FMN2: variants seen among roughly 807,000 people sequenced by gnomAD.
FMN2 encodes formin 2.
In FMN2, 51 loss-of-function variants were observed where a neutral mutation model predicts 142.3. The ratio of observed to expected loss-of-function variants is 0.36; its 90% CI spans 0.29 to 0.45. The LOEUF is 0.45. Ranked by LOEUF, FMN2 falls within the 20% of genes least tolerant of loss-of-function variation. The pLI is 1.00. For synonymous variants in FMN2, 882 were observed against 869.8 expected, an observed-to-expected ratio of 1.01 and a Z score of -0.25; for missense variants, 1,936 against 2,122.8, an observed-to-expected ratio of 0.91 and a Z score of 1.73.
At chr1:240,456,457 A>T (rs1467237370) in intron 16 of FMN2, among the ~76,000 whole-genome samples, 1 of 152,006 alleles carries the variant, frequency 6.6e-6, no homozygotes, top group South Asian at 2.1e-4. Flanking sequence ...AATTGTTTTT[A>T]TTTTTTATTT....
intron 2 of FMN2, among the ~76,000 whole-genome samples, chr1:240,136,900 G>A (rs1662965125): frequency 6.6e-6 from 1 of 151,980 alleles, no homozygotes; most frequent in East Asian, 1.9e-4. Context: ...GTGAAACCCT[G>A]TCTCTACTAC....
At chr1:240,239,209 T>G (rs1667809581) in intron 6 of FMN2, among the ~76,000 whole-genome samples, 1 of 152,146 alleles carries the variant, frequency 6.6e-6, no homozygotes, top group Admixed American at 6.5e-5. Context: ...TCTGGGACAA[T>G]AGAGTTGAAG....
chr1:240,179,503 G>A (rs1255322761), intron 3 of FMN2: 1 of 152,142 alleles, frequency 6.6e-6, no homozygotes, highest in Non-Finnish European at 1.5e-5. Flanking sequence ...TGAGAGAGAG[G>A]GTGTAGGAAG....
intron 14 of FMN2, among the ~76,000 whole-genome samples, chr1:240,376,101 G>T (rs549356189): frequency 6.6e-6 from 1 of 151,986 alleles, no homozygotes; most frequent in East Asian, 1.9e-4. Context: ...ACTATATCTT[G>T]TTCTGAGGTC....
rs180864182 is a variant in FMN2, at chr1:240,378,152, A to T, written c.4859-14359A>T. On this transcript the variant is annotated intron_variant, in intron 14 of 17. Coordinates refer to ENST00000319653, the MANE Select transcript of FMN2 (RefSeq NM_020066.5). Reference sequence around the variant, plus strand: ...TTTTTGTTTCTTTTTTTTATTTTTTATTATTATTATTTTTTTAGACAGGGT... The same window carrying T: ...TTTTTGTTTCTTTTTTTTATTTTTTTTTATTATTATTTTTTTAGACAGGGT... Among the ~76,000 whole-genome samples the T allele has an allele frequency of 5.6e-3, 832 of 148,530 alleles. 16 individuals are homozygous for T. The highest frequency in any genetic ancestry group is 0.02 in the African/African-American group (799 of 40,330).
chr1:240,184,380 G>A (rs1027855730), intron 3 of FMN2, among the ~76,000 whole-genome samples: 1 of 151,394 alleles, frequency 6.6e-6, no homozygotes, highest in Non-Finnish European at 1.5e-5. Flanking sequence ...GGGACTGCAG[G>A]TGCCCACCAC....
chr1:240,219,812 G>A (rs1667039372), intron 6 of FMN2, among the ~76,000 whole-genome samples: 1 of 151,848 alleles, frequency 6.6e-6, no homozygotes, highest in African/African-American at 2.4e-5. Context: ...GGGCCACCGA[G>A]CCTGGCTAAC....
At chr1:240,185,507 G>T (rs143554418) in intron 3 of FMN2, among the ~76,000 whole-genome samples, 2 of 152,290 alleles carry the variant, frequency 1.3e-5, no homozygotes, top group Non-Finnish European at 1.5e-5. Context: ...CATTGAATTA[G>T]ACAGAGAGGA....
chr1:240,286,968 T>A (rs569315639), intron 7 of FMN2, among the ~76,000 whole-genome samples: 2 of 152,304 alleles, frequency 1.3e-5, no homozygotes, highest in East Asian at 3.9e-4. Context: ...TTCACTATAC[T>A]GTCAGCTCTT....
chr1:240,389,183 A>G (rs923495653), intron 14 of FMN2, among the ~76,000 whole-genome samples: 1 of 152,172 alleles, frequency 6.6e-6, no homozygotes, highest in African/African-American at 2.4e-5. Context: ...GAAGTTTATT[A>G]ATAGTTGATT....
chr1:240,336,473 T>A (rs1671558729), intron 13 of FMN2, among the ~76,000 whole-genome samples: 1 of 148,532 alleles, frequency 6.7e-6, no homozygotes, highest in South Asian at 2.1e-4. Flanking sequence ...CCTGTTACAA[T>A]TTGATAGAAT....
chr1:240,252,716 A>T (rs1353246103), intron 6 of FMN2, among the ~76,000 whole-genome samples: 1 of 151,708 alleles, frequency 6.6e-6, no homozygotes, highest in Non-Finnish European at 1.5e-5. Context: ...CTCACTTTTG[A>T]CAGTTTGACT....
intron 7 of FMN2, among the ~76,000 whole-genome samples, chr1:240,292,864 C>G (rs1003803455): frequency 1.3e-5 from 2 of 152,072 alleles, no homozygotes; most frequent in African/African-American, 4.8e-5. Context: ...TTCTTTTTGG[C>G]TACAAAAGCA....
intron 14 of FMN2, among the ~76,000 whole-genome samples, chr1:240,362,569 C>T (rs921151368): frequency 6.6e-6 from 1 of 151,994 alleles, no homozygotes. Flanking sequence ...AGTATACACA[C>T]AAAAAACATA....
intron 16 of FMN2, among the ~76,000 whole-genome samples, chr1:240,451,784 A>G (rs1231973300): frequency 1.3e-5 from 2 of 152,078 alleles, no homozygotes; most frequent in Non-Finnish European, 2.9e-5. Flanking sequence ...TGTTGGGTTT[A>G]TTTTTAAATA....
intron 2 of FMN2, among the ~76,000 whole-genome samples, chr1:240,148,947 G>A (rs1036140461): frequency 2.0e-5 from 3 of 149,534 alleles, no homozygotes; most frequent in African/African-American, 7.4e-5. Context: ...ACTCCAGCCT[G>A]GGTGACAGAG....
intron 15 of FMN2, among the ~76,000 whole-genome samples, chr1:240,428,098 G>A (rs968090487): frequency 1.3e-5 from 2 of 152,070 alleles, no homozygotes; most frequent in Non-Finnish European, 2.9e-5. Context: ...GAGCGGTGTC[G>A]CTAGCACCTT....
chr1:240,318,998 C>T (rs1670880107), intron 8 of FMN2, among the ~76,000 whole-genome samples: 1 of 152,086 alleles, frequency 6.6e-6, no homozygotes, highest in African/African-American at 2.4e-5. Flanking sequence ...TAAGATGCTT[C>T]TGAAGTATGC....
chr1:240,361,141 GTATATATATATATATATATATATA>G (rs202070560), intron 14 of FMN2, among the ~76,000 whole-genome samples: 18 of 43,246 alleles, frequency 4.2e-4, no homozygotes, highest in Non-Finnish European at 5.5e-4. Flanking sequence ...AAATATATGT[GTATATATATATATATATATATATA>G]TATATATATA....
Sources: allele counts gnomAD v4.1 joint callset (sites outside exome capture counted in the v4.1 genomes callset), GRCh38; gene constraint gnomAD v4.1.1; transcripts MANE v1.5; gene names NCBI Gene and HGNC (gene_info 2026-07-23, HGNC 2026-07-21).